The following GPA33 variants were observed in gnomAD, a reference collection of about 807,000 sequenced individuals.
GPA33 encodes glycoprotein A33, also known as cell surface A33 antigen.
Under a neutral mutation model 35.6 loss-of-function variants are expected in GPA33, and 27 were observed. That is an observed-to-expected ratio of 0.76 (90% CI 0.56 to 1.04). The LOEUF is 1.04. Ranked by LOEUF, GPA33 falls within the 50% of genes least tolerant of loss-of-function variation. The pLI is 0.00. For synonymous variants in GPA33, 176 were observed against 164.0 expected (o/e 1.07, Z -0.56); for missense variants, 428 against 411.9 (o/e 1.04, Z -0.34).
At chr1:167,085,681 C>G (rs573754698) in intron 1 of GPA33, among the ~76,000 whole-genome samples, 32 of 152,162 alleles carry the variant, frequency 2.1e-4, no homozygotes, top group Non-Finnish European at 4.6e-4. Flanking sequence ...GACTTGTATG[C>G]ACACTAATGT....
intron 2 of GPA33, 69 bp from the exon 3 acceptor site, chr1:167,069,207 G>A: frequency 1.9e-6 from 2 of 1,039,530 alleles, no homozygotes; most frequent in Non-Finnish European, 2.9e-6. Context: ...AGCCTGCCCT[G>A]ACTACCCTCA....
intron 4 of GPA33, among the ~76,000 whole-genome samples, chr1:167,056,722 T>TGTGTGTGGCGA (rs1666290149): frequency 1.6e-4 from 12 of 76,886 alleles, no homozygotes; most frequent in South Asian, 5.2e-4. Flanking sequence ...GTGTGTGTAG[T>TGTGTGTGGCGA]GTGTGATGTA....
In GPA33 at chr1:167,055,931, G is replaced by A. The variant is rs1460017894; in HGVS notation, c.572-82C>T. 8.3e-6 allele frequency: 12 copies of A among 1,438,100 alleles called. No homozygotes were observed. In the African/African-American group the frequency reaches 1.3e-4, roughly 15 times the overall value. The allele number at this position is 1,438,100 out of a possible 1,614,324, so 89.1% of individuals were successfully genotyped here. A position where few individuals can be genotyped will look rare whatever the true frequency, so the allele number is the denominator to read the frequency against. ...CAGGAATGGGAGGTCTGGACTCCTTGGGAAGCACAACCTCTGCCACTGAGC... is the reference window on the plus strand; with the variant it reads ...CAGGAATGGGAGGTCTGGACTCCTTAGGAAGCACAACCTCTGCCACTGAGC... On this transcript the variant is annotated intron_variant, in intron 4 of 6. Coordinates refer to ENST00000367868, the MANE Select transcript of GPA33 (RefSeq NM_005814.3).
At chr1:167,061,983 A>C (rs1666461815) in intron 4 of GPA33, among the ~76,000 whole-genome samples, 1 of 151,706 alleles carries the variant, frequency 6.6e-6, no homozygotes, top group Admixed American at 6.6e-5. Context: ...AGGACACCAG[A>C]TATTCTTCCC....
At position 167,090,177 on chromosome 1, in the gene GPA33, C is replaced by G. The variant is rs1304812176; in HGVS notation, c.43+68G>C. 3 of 1,237,274 alleles carry G rather than the reference C, an allele frequency of 2.4e-6. No individual in the cohort carries two copies. The East Asian group carries it at 6.9e-5, about 29-fold the overall frequency. 76.6% of individuals were successfully genotyped at this position (1,237,274 alleles called of 1,614,324 possible). On this transcript the variant is annotated intron_variant, in intron 1 of 6. Coordinates refer to ENST00000367868, the MANE Select transcript of GPA33 (RefSeq NM_005814.3). Reference sequence around the variant, plus strand: ...TCCTGGGAAGGCTCTGACAGAGCCTCTCCTTCAGCCCTAGGTCCCCATGTC... The same window carrying G: ...TCCTGGGAAGGCTCTGACAGAGCCTGTCCTTCAGCCCTAGGTCCCCATGTC...
Position 167,055,609 on chromosome 1 carries a change from C to A in GPA33, c.691+121G>T, listed in dbSNP as rs1666225211. On this transcript the variant is annotated intron_variant, in intron 5 of 6. Transcript: ENST00000367868. ...TGCCTAGGTCACCACAGCTAACCTGCAGGTGCGTGGCCCTAGAGAGGTTCC... is the reference window on the plus strand; with the variant it reads ...TGCCTAGGTCACCACAGCTAACCTGAAGGTGCGTGGCCCTAGAGAGGTTCC... 7 of 1,059,480 alleles carry A rather than the reference C, an allele frequency of 6.6e-6. No individual in the cohort carries two copies. The East Asian group carries it at 1.7e-4, about 25-fold the overall frequency. The allele number at this position is 1,059,480 out of a possible 1,614,324, so 65.6% of individuals were successfully genotyped here. A position where few individuals can be genotyped will look rare whatever the true frequency, so the allele number is the denominator to read the frequency against.
chr1:167,059,527 CCTCT>C (rs983482703), intron 4 of GPA33, among the ~76,000 whole-genome samples: 4 of 151,852 alleles, frequency 2.6e-5, no homozygotes, highest in African/African-American at 4.8e-5. Context: ...CCTGCTGCCA[CCTCT>C]CTCTCACAAA....
intron 1 of GPA33, among the ~76,000 whole-genome samples, chr1:167,079,430 T>G (rs1666881790): frequency 7.0e-6 from 1 of 142,250 alleles, no homozygotes; most frequent in African/African-American, 2.6e-5. Context: ...AGGTGGAGGT[T>G]GCAGTGAGCC....
intron 6 of GPA33, 77 bp downstream of exon 6, chr1:167,054,899 A>C: frequency 1.3e-6 from 2 of 1,517,496 alleles, no homozygotes; most frequent in Non-Finnish European, 1.8e-6. Context: ...TGCAAGTAGA[A>C]GAGGCTGTGA....
At chr1:167,083,654 A>G (rs1571320403) in intron 1 of GPA33, among the ~76,000 whole-genome samples, 2 of 152,198 alleles carry the variant, frequency 1.3e-5, no homozygotes, top group Admixed American at 1.3e-4. Context: ...TGATGGGAGG[A>G]TATAACAGAG....
intron 3 of GPA33, among the ~76,000 whole-genome samples, chr1:167,067,309 G>T: frequency 9.8e-6 from 1 of 102,232 alleles, no homozygotes; most frequent in African/African-American, 3.3e-5. Flanking sequence ...TATTTATTTT[G>T]TAGAGAGGAG....
chr1:167,068,075 A>T (rs1411007351), intron 3 of GPA33, among the ~76,000 whole-genome samples: 2 of 151,976 alleles, frequency 1.3e-5, no homozygotes, highest in African/African-American at 4.8e-5. Context: ...TATCTTAATT[A>T]TTAATTAAAT....
At chr1:167,076,725 G>A (rs538700084) in intron 1 of GPA33, among the ~76,000 whole-genome samples, 6 of 152,282 alleles carry the variant, frequency 3.9e-5, no homozygotes, top group Admixed American at 2.0e-4. Context: ...AAAAAAACAG[G>A]TTTCCCCTCT....
chr1:167,076,001 G>A (rs1325960008), intron 1 of GPA33, among the ~76,000 whole-genome samples: 1 of 152,128 alleles, frequency 6.6e-6, no homozygotes, highest in African/African-American at 2.4e-5. Flanking sequence ...TGGATGCAGT[G>A]GGGTGGTGGG....
At chr1:167,061,504 T>C (rs1386401688) in intron 4 of GPA33, among the ~76,000 whole-genome samples, 2 of 150,106 alleles carry the variant, frequency 1.3e-5, no homozygotes, top group Non-Finnish European at 3.0e-5. Flanking sequence ...CAACCAGAAA[T>C]ACGTAAACAC....
intron 1 of GPA33, chr1:167,082,228 G>A (rs571411459): frequency 1.1e-5 from 5 of 455,612 alleles, no homozygotes; most frequent in African/African-American, 1.0e-4. Context: ...CCAAAATACA[G>A]TATTAATAAC....
chr1:167,088,937 A>G (rs946137222), intron 1 of GPA33, among the ~76,000 whole-genome samples: 1 of 152,144 alleles, frequency 6.6e-6, no homozygotes, highest in Non-Finnish European at 1.5e-5. Flanking sequence ...TGGCTGAGAT[A>G]GGCCCACTTA....
chr1:167,061,247 G>A (rs79426015), intron 4 of GPA33, among the ~76,000 whole-genome samples: 15,592 of 152,232 alleles, frequency 0.1, 1,103 homozygotes, highest in Middle Eastern at 0.15. Flanking sequence ...TGCATCTTCT[G>A]TGTTACATCA....
chr1:167,062,642 C>CTTTGT (rs1571306971), intron 4 of GPA33, among the ~76,000 whole-genome samples: 1 of 69,934 alleles, frequency 1.4e-5, no homozygotes, highest in African/African-American at 4.3e-5. Flanking sequence ...TTATATAGCT[C>CTTTGT]TTTCTTTTTT....
Sources: gnomAD v4.1 joint callset for allele counts (sites outside exome capture counted in the v4.1 genomes callset) on GRCh38, gnomAD v4.1.1 for gene constraint, MANE v1.5 for transcripts, NCBI Gene and HGNC (gene_info 2026-07-23, HGNC 2026-07-21) for gene names.